The following ZNF555 variants were observed in gnomAD, a reference collection of about 807,000 sequenced individuals.
The protein encoded by ZNF555 is zinc finger protein 555.
A neutral mutation model predicts 14.0 loss-of-function variants in ZNF555; 10 were observed. The ratio of observed to expected loss-of-function variants is 0.72; its 90% CI spans 0.44 to 1.21. ZNF555 has a LOEUF of 1.21. Ranked by LOEUF, ZNF555 falls within the 50% of genes most tolerant of loss-of-function variation. The pLI is 0.00. For missense variants in ZNF555, 747 were observed against 762.0 expected (o/e 0.98, Z 0.23); for synonymous variants, 277 against 262.4 (o/e 1.06, Z -0.54).
At chr19:2,843,491 A>G (rs1194650346) in intron 1 of ZNF555, among the ~76,000 whole-genome samples, 7 of 152,200 alleles carry the variant, frequency 4.6e-5, no homozygotes, top group Admixed American at 4.6e-4. Flanking sequence ...GTTACTGGGG[A>G]GAAGAGTCTC....
Position 2,853,736 on chromosome 19 carries a change from G to A in ZNF555, c.1671G>A (p.Leu557=). 1 of 1,588,716 alleles carries A rather than the reference G, an allele frequency of 6.3e-7. No individual in the cohort carries two copies. The highest frequency in any genetic ancestry group is 8.6e-7 in the Non-Finnish European group (1 of 1,168,182). Residue 557 remains leucine, a synonymous_variant, in exon 4 of 4, where the codon CTG becomes CTA. Coordinates refer to ENST00000334241, the MANE Select transcript of ZNF555 (RefSeq NM_152791.5). ...WPSSLPIHMR[L]HTGEKPYQCK... ...CATCTTTACCAATACATATGAGACT[G>A]CACACTGGAGAGAAACCTTATCAAT...
chr19:2,843,427 G>T (rs2087555529), intron 1 of ZNF555, among the ~76,000 whole-genome samples: 1 of 152,106 alleles, frequency 6.6e-6, no homozygotes, highest in Non-Finnish European at 1.5e-5. Flanking sequence ...GACCAGCCTT[G>T]TTCTTTTCTT....
chr19:2,859,047 C>T lies in ZNF555; in HGVS notation c.*5095C>T, dbSNP rs780515822. ...CCTCCTCAGGAGCAGCCTCAAAGCGCGCAGCCTCAGCCCATTGGCCTGCGG... is the reference window on the plus strand; with the variant it reads ...CCTCCTCAGGAGCAGCCTCAAAGCGTGCAGCCTCAGCCCATTGGCCTGCGG... On this transcript the variant is annotated 3_prime_UTR_variant, in exon 4 of 4. Transcript: ENST00000334241. 6.6e-6 allele frequency: 1 copy of T among 152,370 alleles called. No individual in the cohort carries two copies. The highest frequency in any genetic ancestry group is 6.5e-5 in the Admixed American group (1 of 15,292). The allele number at this position is 152,370 out of a possible 1,614,324, so 9.4% of individuals were successfully genotyped here.
intron 1 of ZNF555, among the ~76,000 whole-genome samples, chr19:2,847,735 C>T (rs1382354140): frequency 6.6e-6 from 1 of 152,198 alleles, no homozygotes; most frequent in African/African-American, 2.4e-5. Flanking sequence ...TTGATTACAT[C>T]TGCAAGGATC....
At position 2,852,969 on chromosome 19, in the gene ZNF555, C is replaced by T; in HGVS notation, c.904C>T (p.His302Tyr). Residue 302 changes from histidine (H) to tyrosine (Y), a missense_variant, in exon 4 of 4, where the codon CAT becomes TAT. His to Tyr is a moderately conservative substitution (Grantham distance 83, BLOSUM62 2). Transcript: ENST00000334241. ...TAGTTATTCCTCAACTTTTCGAAGA[C>T]ATATGATTTCACACACTGGAGAGAA... Reference protein sequence around the residue: ...AFSYSSTFRRHMISHTGEKPH... With the variant: ...AFSYSSTFRRYMISHTGEKPH... 1 of 1,614,242 alleles carries T rather than the reference C, an allele frequency of 6.2e-7. No individual in the cohort carries two copies. The highest frequency in any genetic ancestry group is 8.5e-7 in the Non-Finnish European group (1 of 1,180,042).
chr19:2,843,828 C>T (rs2087558825), intron 1 of ZNF555, among the ~76,000 whole-genome samples: 1 of 152,164 alleles, frequency 6.6e-6, no homozygotes, highest in Non-Finnish European at 1.5e-5. Context: ...TTTCCCCGAA[C>T]ACAGGGGCTG....
chr19:2,845,325 C>T (rs1599561217), intron 1 of ZNF555, among the ~76,000 whole-genome samples: 1 of 152,174 alleles, frequency 6.6e-6, no homozygotes, highest in South Asian at 2.1e-4. Context: ...GTGTAGTATT[C>T]CATGGTATAG....
chr19:2,850,616 G>A lies in ZNF555; in HGVS notation c.33G>A (p.Val11=). 4 of 1,613,958 alleles carry A rather than the reference G, an allele frequency of 2.5e-6. No homozygotes were observed. Among genetic ancestry groups the A allele is most frequent in the East Asian group, 4.5e-5 (2 of 44,870 alleles). The change falls in exon 2 of 4, where the codon GTG becomes GTA. Residue 11 remains valine (V), a synonymous_variant. Transcript: ENST00000334241. ...CAGTGGTCTTTGAGGATGTGGCTGT[G>A]GACTTCACCCTGGAGGAGTGGGCTT... The part of the protein sequence containing the change: MDSVVFEDVA[V]DFTLEEWALL...
In ZNF555 at chr19:2,853,844, G is replaced by A; in HGVS notation, c.1779G>A (p.Lys593=). 6.2e-7 allele frequency: 1 copy of A among 1,613,990 alleles called. No homozygotes were observed. The highest frequency in any genetic ancestry group is 8.5e-7 in the Non-Finnish European group (1 of 1,179,972). Residue 593 remains lysine (K), a synonymous_variant, in exon 4 of 4, where the codon AAG becomes AAA. Transcript: ENST00000334241. ...TACACACTACAGAAAAACAGTATAA[G>A]TGTAATGTAGGACATCCTCCTGCAA... ...VRIHTTEKQY[K]CNVGHPPANE...
rs150810861 is a variant in ZNF555, at chr19:2,853,022, G to C, written c.957G>C (p.Glu319Asp). ...CACATAAATGTAAAGAATGTGGGGA[G>C]GCCTTCAGTTATTCTTCGGCTTTTC... is the stretch of plus-strand genomic sequence containing the variant. Reference protein sequence around the residue: ...EKPHKCKECGEAFSYSSAFRR... With the variant: ...EKPHKCKECGDAFSYSSAFRR... The change falls in exon 4 of 4, where the codon GAG becomes GAC. Residue 319 changes from glutamate (E) to aspartate (D), a missense_variant. By Grantham distance (45) the Glu-to-Asp change is conservative. Coordinates refer to ENST00000334241, the MANE Select transcript of ZNF555 (RefSeq NM_152791.5). The C allele has an allele frequency of 1.2e-6, 2 of 1,613,858 alleles. No homozygotes were observed. The highest frequency in any genetic ancestry group is 1.1e-5 in the South Asian group (1 of 91,058).
At chr19:2,846,738 C>G (rs889953465) in intron 1 of ZNF555, among the ~76,000 whole-genome samples, 1 of 152,160 alleles carries the variant, frequency 6.6e-6, no homozygotes, top group African/African-American at 2.4e-5. Context: ...CAGCTGTGTT[C>G]CAAGATCAAG....
Position 2,853,557 on chromosome 19 carries a change from CAT to C in ZNF555, c.1495_1496del (p.Met499GlufsTer10), listed in dbSNP as rs1315950694. On this transcript the variant is annotated frameshift_variant, in exon 4 of 4. Coordinates refer to ENST00000334241, the MANE Select transcript of ZNF555 (RefSeq NM_152791.5). LOFTEE classifies it low-confidence loss of function (END_TRUNC). ...CTATTGCCACATATCCTTACAAAAACATATGAGAAGACATACCGCAGAGAAAC... is the reference window on the plus strand; with the variant it reads ...CTATTGCCACATATCCTTACAAAAACATGAGAAGACATACCGCAGAGAAAC... ...AFYCHISLQKHMRRHTAEKLY... is the reference protein window; with the variant it reads ...AFYCHISLQKXMRRHTAEKLY... 5 of 1,610,814 alleles carry C rather than the reference CAT, an allele frequency of 3.1e-6. No homozygotes were observed. In the South Asian group the frequency reaches 3.3e-5, roughly 11 times the overall value.
chr19:2,852,587 C>T lies in ZNF555; in HGVS notation c.522C>T (p.Cys174=). 2.5e-6 allele frequency: 4 copies of T among 1,614,126 alleles called. No homozygotes were observed. The highest frequency in any genetic ancestry group is 1.7e-6 in the Non-Finnish European group (2 of 1,180,036). ...TVHTGHKPYQ[C]QECGQAYSCR... ...ACACTGGACACAAACCATATCAGTG[C>T]CAGGAATGTGGGCAGGCCTACAGTT... is the stretch of plus-strand genomic sequence containing the variant. The change falls in exon 4 of 4, where the codon TGC becomes TGT. Residue 174 remains cysteine (C), a synonymous_variant. Coordinates refer to ENST00000334241, the MANE Select transcript of ZNF555 (RefSeq NM_152791.5).
At position 2,853,135 on chromosome 19, in the gene ZNF555, G is replaced by C; in HGVS notation, c.1070G>C (p.Arg357Thr). The change falls in exon 4 of 4, where the codon AGA (arginine) becomes ACA (threonine). Residue 357 changes from arginine to threonine, a missense_variant. By Grantham distance (71) the Arg-to-Thr change is moderately conservative (BLOSUM62 -1). Coordinates refer to ENST00000334241, the MANE Select transcript of ZNF555 (RefSeq NM_152791.5). Reference sequence around the variant, plus strand: ...TTCATTTATCTCCAGTCCTTTCGAAGACATGAAAGGATTCACACTGGAGAG... The same window carrying C: ...TTCATTTATCTCCAGTCCTTTCGAACACATGAAAGGATTCACACTGGAGAG... Reference protein sequence around the residue: ...KTFIYLQSFRRHERIHTGEKP... With the variant: ...KTFIYLQSFRTHERIHTGEKP... The C allele has an allele frequency of 6.2e-7, 1 of 1,613,820 alleles. No individual in the cohort carries two copies. The highest frequency in any genetic ancestry group is 8.5e-7 in the Non-Finnish European group (1 of 1,179,946).
rs749797542 is a variant in ZNF555, at chr19:2,853,785, A to C, written c.1720A>C (p.Asn574His). ...YQCKHCGKAF[N>H]CSSSLRRHVR... The stretch of plus-strand genomic sequence containing the variant: ...ATGTAAGCATTGTGGGAAAGCATTC[A>C]ATTGTTCCTCATCCTTAAGGCGACA... Residue 574 changes from asparagine (N) to histidine (H), a missense_variant, in exon 4 of 4, where the codon AAT becomes CAT. By Grantham distance (68) the Asn-to-His change is moderately conservative. Coordinates refer to ENST00000334241, the MANE Select transcript of ZNF555 (RefSeq NM_152791.5). 1.9e-6 allele frequency: 3 copies of C among 1,612,176 alleles called. No individual in the cohort carries two copies. The African/African-American group carries it at 4.0e-5, about 22-fold the overall frequency.
At position 2,853,917 on chromosome 19, in the gene ZNF555, C is replaced by G. The variant is rs1415605697; in HGVS notation, c.1852C>G (p.Leu618Val). 4 of 1,613,742 alleles carry G rather than the reference C, an allele frequency of 2.5e-6. No individual in the cohort carries two copies. Among genetic ancestry groups the G allele is most frequent in the Non-Finnish European group, 3.4e-6 (4 of 1,180,028 alleles). Residue 618 changes from leucine to valine, a missense_variant, in exon 4 of 4, where the codon CTG (leucine) becomes GTG (valine). Leu to Val is a conservative substitution (Grantham distance 32). Coordinates refer to ENST00000334241, the MANE Select transcript of ZNF555 (RefSeq NM_152791.5). ...ASEKSHQERD[L>V]IKVVNMVLPL ...AGAAAAGTCACACCAGGAGAGAGATCTGATCAAAGTTGTAAATATGGTGTT... is the reference window on the plus strand; with the variant it reads ...AGAAAAGTCACACCAGGAGAGAGATGTGATCAAAGTTGTAAATATGGTGTT...
At chr19:2,850,934 C>T (rs935870727) in intron 2 of ZNF555, among the ~76,000 whole-genome samples, 1 of 151,070 alleles carries the variant, frequency 6.6e-6, no homozygotes. Flanking sequence ...CCCTTCATGT[C>T]GTCATTGTGG....
At chr19:2,841,664 C>CG in intron 1 of ZNF555, 89 bp downstream of exon 1, 7 of 1,371,544 alleles carry the variant, frequency 5.1e-6, no homozygotes, top group South Asian at 1.6e-5. Flanking sequence ...CTGAGGGACG[C>CG]GGGGGGCGGC....
chr19:2,855,321 A>C lies in ZNF555; in HGVS notation c.*1369A>C, dbSNP rs2144860528. The C allele has an allele frequency of 6.6e-6, 1 of 152,280 alleles. No individual in the cohort carries two copies. The highest frequency in any genetic ancestry group is 1.9e-4 in the East Asian group (1 of 5,184). 9.4% of individuals were successfully genotyped at this position (152,280 alleles called of 1,614,324 possible). ...AGTAGCTCATGCCTGTAATCCCTGC[A>C]CTTTGGGAGGCTTGAGGTCAGGAGT... On this transcript the variant is annotated 3_prime_UTR_variant, in exon 4 of 4. Coordinates refer to ENST00000334241, the MANE Select transcript of ZNF555 (RefSeq NM_152791.5).
Sources: allele counts gnomAD v4.1 joint callset (sites outside exome capture counted in the v4.1 genomes callset), GRCh38; gene constraint gnomAD v4.1.1; transcripts MANE v1.5; gene names NCBI Gene and HGNC (gene_info 2026-07-23, HGNC 2026-07-21).